SYNPO2: variants seen among roughly 807,000 people sequenced by gnomAD.
The protein encoded by SYNPO2 is synaptopodin 2.
Under a neutral mutation model 85.0 loss-of-function variants are expected in SYNPO2, and 56 were observed. The ratio of observed to expected loss-of-function variants is 0.66; its 90% CI spans 0.53 to 0.82. SYNPO2 has a LOEUF of 0.82. Among genes scored for constraint, SYNPO2 ranks in the 40% least tolerant of loss-of-function variants. The probability of loss-of-function intolerance (pLI) is 0.00; values close to 1 mark genes in which losing one functional copy is unlikely to be tolerated. For synonymous variants in SYNPO2, 602 were observed against 591.1 expected (o/e 1.02, Z -0.27); for missense variants, 1,575 against 1,534.2 (o/e 1.03, Z -0.44).
At chr4:119,037,042 G>T in intron 4 of SYNPO2, 2 of 1,431,040 alleles carry the variant, frequency 1.4e-6, no homozygotes, top group Admixed American at 2.7e-5. Flanking sequence ...CAAATGTAAA[G>T]CTCCTTGTGT....
intron 1 of SYNPO2, among the ~76,000 whole-genome samples, chr4:118,870,247 A>G (rs180725948): frequency 1.3e-5 from 2 of 152,348 alleles, no homozygotes; most frequent in East Asian, 3.9e-4. Flanking sequence ...AGGAAAAGTC[A>G]TTTCCTTCCA....
chr4:118,971,961 T>G (rs1041094090), intron 1 of SYNPO2, among the ~76,000 whole-genome samples: 4 of 152,192 alleles, frequency 2.6e-5, no homozygotes, highest in African/African-American at 7.2e-5. Context: ...GGGATAGACC[T>G]CATAGTGTGG....
intron 1 of SYNPO2, among the ~76,000 whole-genome samples, chr4:118,851,655 A>G (rs1731421850): frequency 6.6e-6 from 1 of 152,248 alleles, no homozygotes; most frequent in Admixed American, 6.5e-5. Context: ...ATGTCAATGT[A>G]AGTAACATTT....
At chr4:118,879,746 C>T (rs1273353606) in intron 1 of SYNPO2, among the ~76,000 whole-genome samples, 1 of 152,224 alleles carries the variant, frequency 6.6e-6, no homozygotes, top group Non-Finnish European at 1.5e-5. Context: ...TTTGCCTTCA[C>T]TGGTCACTGA....
At chr4:118,889,766 T>G (rs2149112946) in intron 1 of SYNPO2, among the ~76,000 whole-genome samples, 3 of 152,332 alleles carry the variant, frequency 2.0e-5, no homozygotes, top group African/African-American at 7.2e-5. Flanking sequence ...AAAAATAAAC[T>G]TAGAAGATAA....
chr4:118,941,363 C>T (rs1018263563), intron 1 of SYNPO2, among the ~76,000 whole-genome samples: 5 of 152,178 alleles, frequency 3.3e-5, no homozygotes, highest in Non-Finnish European at 7.3e-5. Flanking sequence ...CTTCACTAGT[C>T]CACTAACTGG....
chr4:118,898,733 C>T (rs12374349), intron 1 of SYNPO2, among the ~76,000 whole-genome samples: 22,594 of 152,120 alleles, frequency 0.15, 1,988 homozygotes, highest in Non-Finnish European at 0.2. Context: ...GTTCACAGGC[C>T]GACGGCCCCG....
chr4:119,019,373 A>G (rs1474009013), intron 1 of SYNPO2, among the ~76,000 whole-genome samples: 1 of 152,156 alleles, frequency 6.6e-6, no homozygotes, highest in Non-Finnish European at 1.5e-5. Flanking sequence ...GGTCTAATAT[A>G]TTATATGTAG....
chr4:119,027,575 A>G (rs1738025750), intron 3 of SYNPO2, 137 bp downstream of exon 3: 2 of 861,972 alleles, frequency 2.3e-6, no homozygotes, highest in East Asian at 2.7e-5. Flanking sequence ...AATGCACAAA[A>G]TCACAAATGT....
Position 119,031,941 on chromosome 4 carries a change from T to G in SYNPO2, c.3166T>G (p.Ser1056Ala). The change falls in exon 4 of 5, where the codon TCG (serine) becomes GCG (alanine). Residue 1056 changes from serine to alanine, a missense_variant. Coordinates refer to ENST00000307142, the MANE Select transcript of SYNPO2 (RefSeq NM_133477.3). ...ASPVPVGIPT[S>A]PKQESASSSY... ...CCCAGTGCCTGTGGGCATTCCCACC[T>G]CGCCAAAGCAAGAATCAGCCTCATC... The G allele has an allele frequency of 1.2e-6, 2 of 1,614,222 alleles. No individual in the cohort carries two copies. The highest frequency in any genetic ancestry group is 1.7e-6 in the Non-Finnish European group (2 of 1,180,042).
chr4:118,879,425 C>G (rs931348920), intron 1 of SYNPO2, among the ~76,000 whole-genome samples: 1 of 152,120 alleles, frequency 6.6e-6, no homozygotes, highest in African/African-American at 2.4e-5. Context: ...AGGTAATTAG[C>G]TCATGAGGAT....
At chr4:118,984,048 A>G (rs1397368052) in intron 1 of SYNPO2, among the ~76,000 whole-genome samples, 1 of 152,208 alleles carries the variant, frequency 6.6e-6, no homozygotes, top group Non-Finnish European at 1.5e-5. Flanking sequence ...ACATGCGTTG[A>G]GAGTACTCTA....
intron 2 of SYNPO2, among the ~76,000 whole-genome samples, chr4:119,024,005 T>G (rs1463423937): frequency 6.6e-6 from 1 of 152,166 alleles, no homozygotes; most frequent in Non-Finnish European, 1.5e-5. Context: ...AAAAGGATGC[T>G]TAAGAGACAG....
chr4:119,034,038 T>C, intron 4 of SYNPO2: 1 of 985,460 alleles, frequency 1.0e-6, no homozygotes, highest in East Asian at 1.1e-4. Context: ...TTATTTGCCT[T>C]TTTGGGAAAC....
At chr4:118,876,992 G>T (rs1285812487) in intron 1 of SYNPO2, among the ~76,000 whole-genome samples, 1 of 150,944 alleles carries the variant, frequency 6.6e-6, no homozygotes, top group Non-Finnish European at 1.5e-5. Flanking sequence ...TTCTTGTAGA[G>T]ACAAGGTCTC....
chr4:118,868,252 G>A (rs1299618195), intron 1 of SYNPO2, among the ~76,000 whole-genome samples: 1 of 151,934 alleles, frequency 6.6e-6, no homozygotes, highest in African/African-American at 2.4e-5. Context: ...CTAAATTTGG[G>A]TGATTATTGG....
chr4:118,888,753 T>A (rs1039135888), upstream of SYNPO2: 2 of 453,136 alleles, frequency 4.4e-6, no homozygotes, highest in Non-Finnish European at 7.9e-6. Flanking sequence ...GCTGCTTTCC[T>A]TTCCTCGAAG....
chr4:119,039,811 C>T (rs1443261770), intron 4 of SYNPO2, among the ~76,000 whole-genome samples: 1 of 151,984 alleles, frequency 6.6e-6, no homozygotes. Context: ...GAAGACAAGA[C>T]TTTTTTTTAA....
intron 4 of SYNPO2, among the ~76,000 whole-genome samples, chr4:119,047,058 T>G (rs1211812955): frequency 7.1e-6 from 1 of 140,444 alleles, no homozygotes; most frequent in Non-Finnish European, 1.6e-5. Context: ...ACTATTTATT[T>G]TGTTTATTTA....
Sources: allele counts gnomAD v4.1 joint callset (sites outside exome capture counted in the v4.1 genomes callset), GRCh38; gene constraint gnomAD v4.1.1; transcripts MANE v1.5; gene names NCBI Gene and HGNC (gene_info 2026-07-23, HGNC 2026-07-21).